Variants in RBFOX1 observed in about 807,000 individuals in gnomAD.
RBFOX1 encodes the protein RNA binding protein fox-1 homolog 1.
Under a neutral mutation model 57.7 loss-of-function variants are expected in RBFOX1, and 8 were observed. The observed-to-expected ratio is 0.14, with a 90% CI of 0.08 to 0.25. RBFOX1 has a LOEUF of 0.25. Among genes scored for constraint, RBFOX1 ranks in the 10% least tolerant of loss-of-function variants. The pLI is 1.00. For missense variants in RBFOX1, 611 were observed against 548.5 expected (o/e 1.11, Z -1.14); for synonymous variants, 326 against 222.4 (o/e 1.47, Z -4.15).
chr16:5,464,830 G>A (rs2068903485), intron 1 of RBFOX1, among the ~76,000 whole-genome samples: 1 of 152,188 alleles, frequency 6.6e-6, no homozygotes, highest in African/African-American at 2.4e-5. Flanking sequence ...GAGGCATGAT[G>A]GATGGAGGAG....
chr16:6,441,803 G>T (rs2094388707), intron 2 of RBFOX1, among the ~76,000 whole-genome samples: 1 of 152,146 alleles, frequency 6.6e-6, no homozygotes, highest in Non-Finnish European at 1.5e-5. Flanking sequence ...TTTAGCCCTT[G>T]AAGAGAGATG....
chr16:5,573,910 C>T (rs1229878467), intron 2 of RBFOX1, among the ~76,000 whole-genome samples: 4 of 152,074 alleles, frequency 2.6e-5, no homozygotes, highest in African/African-American at 9.7e-5. Flanking sequence ...GCTGTGATCG[C>T]GCCACTGCAC....
intron 4 of RBFOX1, among the ~76,000 whole-genome samples, chr16:7,275,794 G>C (rs1201164742): frequency 2.0e-5 from 3 of 152,192 alleles, no homozygotes; most frequent in African/African-American, 7.2e-5. Context: ...TCATCTTGAA[G>C]GTATAGCTTT....
intron 1 of RBFOX1, among the ~76,000 whole-genome samples, chr16:6,131,159 A>G (rs1414493208): frequency 6.6e-6 from 1 of 152,214 alleles, no homozygotes; most frequent in Non-Finnish European, 1.5e-5. Context: ...GGTTCTGACT[A>G]GGAAGGGGCA....
intron 1 of RBFOX1, among the ~76,000 whole-genome samples, chr16:6,246,129 A>G (rs1333808963): frequency 1.3e-5 from 2 of 152,162 alleles, no homozygotes; most frequent in South Asian, 2.1e-4. Flanking sequence ...TGTAGGATGT[A>G]TTGAATCATG....
intron 3 of RBFOX1, among the ~76,000 whole-genome samples, chr16:6,732,147 C>T (rs952234632): frequency 1.3e-5 from 2 of 152,118 alleles, no homozygotes; most frequent in African/African-American, 4.8e-5. Flanking sequence ...GGTCTCTTTC[C>T]CCTATACATC....
intron 4 of RBFOX1, among the ~76,000 whole-genome samples, chr16:7,516,834 C>CT (rs138906317): frequency 1.1e-4 from 17 of 148,492 alleles, no homozygotes; most frequent in South Asian, 4.3e-4. Flanking sequence ...TGAGAACAAA[C>CT]TTTTTTTTTT....
At chr16:6,896,386 C>CT (rs1217965494) in intron 3 of RBFOX1, among the ~76,000 whole-genome samples, 1 of 152,072 alleles carries the variant, frequency 6.6e-6, no homozygotes. Context: ...CTTTTTCTTT[C>CT]TTTTTTTCTT....
At chr16:7,046,850 C>T (rs1041508992) in intron 3 of RBFOX1, among the ~76,000 whole-genome samples, 2 of 151,868 alleles carry the variant, frequency 1.3e-5, no homozygotes, top group Admixed American at 6.6e-5. Flanking sequence ...AGGTGATCTG[C>T]GAGCCTCGGT....
chr16:6,608,042 A>G (rs567172652), intron 2 of RBFOX1, among the ~76,000 whole-genome samples: 26 of 152,308 alleles, frequency 1.7e-4, no homozygotes, highest in Middle Eastern at 3.4e-3. Flanking sequence ...TCTACATCAA[A>G]AAAGTCCTTC....
At chr16:5,885,153 C>T (rs2057867637) in intron 4 of RBFOX1, among the ~76,000 whole-genome samples, 1 of 152,066 alleles carries the variant, frequency 6.6e-6, no homozygotes. Context: ...GTAAGGGTGG[C>T]AGCTATGGTT....
chr16:7,033,367 A>G (rs1309112519), intron 3 of RBFOX1, among the ~76,000 whole-genome samples: 1 of 152,164 alleles, frequency 6.6e-6, no homozygotes, highest in Non-Finnish European at 1.5e-5. Flanking sequence ...TAAAAATACA[A>G]AAATTAGCCA....
chr16:7,067,847 C>T (rs560143940), intron 4 of RBFOX1, among the ~76,000 whole-genome samples: 151 of 151,908 alleles, frequency 9.9e-4, no homozygotes, highest in African/African-American at 3.5e-3. Flanking sequence ...CATCCATGTC[C>T]CTACAAAGGA....
chr16:6,169,004 AG>A (rs769388671), intron 1 of RBFOX1, among the ~76,000 whole-genome samples: 1 of 152,090 alleles, frequency 6.6e-6, no homozygotes, highest in Non-Finnish European at 1.5e-5. Context: ...GTTGGGCAAA[AG>A]TGCCTGAAAA....
intron 1 of RBFOX1, among the ~76,000 whole-genome samples, chr16:5,422,473 G>A: frequency 7.9e-6 from 1 of 126,036 alleles, no homozygotes; most frequent in Admixed American, 8.1e-5. Flanking sequence ...GGAGGGGGAA[G>A]AAAGGAGGAG....
At chr16:7,356,139 A>G (rs568347883) in intron 4 of RBFOX1, among the ~76,000 whole-genome samples, 7 of 152,270 alleles carry the variant, frequency 4.6e-5, no homozygotes, top group Non-Finnish European at 8.8e-5. Context: ...TGTTCATCCA[A>G]TCCTTTATTC....
At chr16:7,248,776 C>G (rs2094404615) in intron 4 of RBFOX1, among the ~76,000 whole-genome samples, 1 of 152,122 alleles carries the variant, frequency 6.6e-6, no homozygotes, top group Non-Finnish European at 1.5e-5. Flanking sequence ...TATGTCTAGG[C>G]AGAGATATAT....
chr16:6,074,091 GGCGC>G (rs1368477356), intron 1 of RBFOX1, among the ~76,000 whole-genome samples: 1 of 152,084 alleles, frequency 6.6e-6, no homozygotes, highest in Non-Finnish European at 1.5e-5. Flanking sequence ...TGGGACTATA[GGCGC>G]CCGCCACCAC....
At chr16:7,316,969 C>CACACACAT (rs1232408446) in intron 4 of RBFOX1, among the ~76,000 whole-genome samples, 3 of 150,874 alleles carry the variant, frequency 2.0e-5, no homozygotes, top group Non-Finnish European at 2.9e-5. Context: ...ACAGAACACA[C>CACACACAT]ACACACACAC....
Sources: gnomAD v4.1 joint callset for allele counts (sites outside exome capture counted in the v4.1 genomes callset) on GRCh38, gnomAD v4.1.1 for gene constraint, MANE v1.5 for transcripts, NCBI Gene and HGNC (gene_info 2026-07-23, HGNC 2026-07-21) for gene names.